Variants in NREP observed in about 807,000 individuals in gnomAD.
NREP encodes neuronal regeneration related protein.
Under a neutral mutation model 8.6 loss-of-function variants are expected in NREP, and 5 were observed. That is an observed-to-expected ratio of 0.58 (90% CI 0.30 to 1.22). The LOEUF is 1.22. Ranked by LOEUF, NREP falls within the 50% of genes most tolerant of loss-of-function variation. The probability of loss-of-function intolerance (pLI) is 0.07; values close to 1 mark genes in which losing one functional copy is unlikely to be tolerated. For missense variants in NREP, 86 were observed against 82.5 expected (o/e 1.04, Z -0.17); for synonymous variants, 27 against 28.0 (o/e 0.96, Z 0.11).
At chr5:111,930,510 G>A (rs1018753818) in intron 2 of NREP, among the ~76,000 whole-genome samples, 1 of 152,110 alleles carries the variant, frequency 6.6e-6, no homozygotes, top group African/African-American at 2.4e-5. Context: ...GTCAAGAGCT[G>A]CTAAAGGGCT....
intron 2 of NREP, among the ~76,000 whole-genome samples, chr5:111,832,479 G>A (rs959899900): frequency 3.9e-5 from 6 of 152,042 alleles, no homozygotes; most frequent in South Asian, 4.2e-4. Context: ...TGCAATGAGC[G>A]GACATAGCAT....
At chr5:111,959,416 C>CA (rs1484776940) in intron 2 of NREP, among the ~76,000 whole-genome samples, 1 of 151,918 alleles carries the variant, frequency 6.6e-6, no homozygotes, top group Non-Finnish European at 1.5e-5. Flanking sequence ...ATTCATCCAG[C>CA]TGTATACATA....
chr5:111,884,911 G>C (rs1375851769), intron 2 of NREP, among the ~76,000 whole-genome samples: 5 of 152,130 alleles, frequency 3.3e-5, no homozygotes, highest in Non-Finnish European at 5.9e-5. Flanking sequence ...TTGAAAACTG[G>C]CACACGACAG....
chr5:111,906,288 A>G (rs1222878715), intron 2 of NREP, among the ~76,000 whole-genome samples: 3 of 151,864 alleles, frequency 2.0e-5, no homozygotes, highest in Non-Finnish European at 4.4e-5. Flanking sequence ...ATGTGGTAAA[A>G]GATCAATATT....
chr5:111,762,930 G>A (rs777344986), intron 2 of NREP, among the ~76,000 whole-genome samples: 15 of 152,174 alleles, frequency 9.9e-5, no homozygotes, highest in East Asian at 1.9e-4. Flanking sequence ...GAAGTTATAC[G>A]TCCAGGGCTT....
chr5:111,900,912 A>T lies in NREP; in HGVS notation c.135+74362T>A, dbSNP rs1298781840. ...AATTTTTCTTAATTTATTTTATGAGATCAGCATTATCCTGACACCAAAACC... is the reference window on the plus strand; with the variant it reads ...AATTTTTCTTAATTTATTTTATGAGTTCAGCATTATCCTGACACCAAAACC... On this transcript the variant is annotated intron_variant, in intron 2 of 3. Transcript: ENST00000395634. Among the ~76,000 whole-genome samples, 3 of 152,150 alleles carry T rather than the reference A, an allele frequency of 2.0e-5. No individual in the cohort carries two copies. In the East Asian group the frequency reaches 5.8e-4, roughly 29 times the overall value.
At chr5:111,846,136 A>T (rs1294153323) in intron 2 of NREP, 1 of 155,844 alleles carries the variant, frequency 6.4e-6, no homozygotes, top group African/African-American at 2.4e-5. Flanking sequence ...CACTTAAAAA[A>T]TGGGAAGAGG....
At chr5:111,814,479 T>C (rs1752340839) in intron 2 of NREP, among the ~76,000 whole-genome samples, 2 of 152,088 alleles carry the variant, frequency 1.3e-5, no homozygotes, top group African/African-American at 4.8e-5. Context: ...ATTGCCTCCG[T>C]AACTTTCTTT....
At chr5:111,913,274 C>G (rs2112566115) in intron 2 of NREP, among the ~76,000 whole-genome samples, 1 of 152,200 alleles carries the variant, frequency 6.6e-6, no homozygotes, top group East Asian at 1.9e-4. Flanking sequence ...TGCTATTTTG[C>G]ACTACTTCAT....
chr5:111,976,624 G>T, intron 1 of NREP: 2 of 1,110,818 alleles, frequency 1.8e-6, no homozygotes, highest in Non-Finnish European at 2.6e-6. Flanking sequence ...AGAGGTCAGT[G>T]AGGCAGAGAC....
intron 2 of NREP, among the ~76,000 whole-genome samples, chr5:111,771,489 G>A (rs1008389569): frequency 6.6e-6 from 1 of 151,504 alleles, no homozygotes; most frequent in South Asian, 2.1e-4. Context: ...ACATTTATGT[G>A]CGGTGGCTCA....
chr5:111,923,973 G>A (rs1318093894), intron 2 of NREP, among the ~76,000 whole-genome samples: 1 of 152,164 alleles, frequency 6.6e-6, no homozygotes, highest in Non-Finnish European at 1.5e-5. Flanking sequence ...ATTGGTATAA[G>A]GGACAGGCCA....
intron 2 of NREP, among the ~76,000 whole-genome samples, chr5:111,924,802 G>A (rs760608799): frequency 6.6e-6 from 1 of 152,104 alleles, no homozygotes; most frequent in Non-Finnish European, 1.5e-5. Context: ...AGCAGTTATA[G>A]CCTGGCCAAT....
intron 2 of NREP, among the ~76,000 whole-genome samples, chr5:111,968,628 T>G (rs1430462068): frequency 2.0e-5 from 3 of 152,182 alleles, no homozygotes; most frequent in Non-Finnish European, 4.4e-5. Flanking sequence ...TCATTTCAGT[T>G]AGGAAAATGT....
At chr5:111,840,993 G>T (rs1753016931) in intron 2 of NREP, among the ~76,000 whole-genome samples, 1 of 152,078 alleles carries the variant, frequency 6.6e-6, no homozygotes, top group South Asian at 2.1e-4. Flanking sequence ...GTTTTGTGTA[G>T]ATCTGTGTGC....
intron 2 of NREP, among the ~76,000 whole-genome samples, chr5:111,771,157 A>G (rs1034011692): frequency 3.9e-5 from 6 of 152,198 alleles, no homozygotes; most frequent in African/African-American, 1.4e-4. Flanking sequence ...AATGCTTCAC[A>G]TAGTAGGTAA....
intron 2 of NREP, among the ~76,000 whole-genome samples, chr5:111,866,832 C>A (rs1323146068): frequency 6.6e-6 from 1 of 151,980 alleles, no homozygotes; most frequent in Non-Finnish European, 1.5e-5. Flanking sequence ...ATGATGAGTT[C>A]ATGTCCTTTG....
intron 2 of NREP, among the ~76,000 whole-genome samples, chr5:111,946,890 C>T (rs900483198): frequency 2.6e-5 from 4 of 151,872 alleles, no homozygotes; most frequent in African/African-American, 9.7e-5. Context: ...TGTAGTCAAC[C>T]AATTAGGAAA....
At chr5:111,916,466 T>C (rs919473150) in intron 2 of NREP, among the ~76,000 whole-genome samples, 1 of 152,066 alleles carries the variant, frequency 6.6e-6, no homozygotes, top group African/African-American at 2.4e-5. Flanking sequence ...CCTTCCCCAG[T>C]CCTAGATGGA....
Sources: gnomAD v4.1 joint callset for allele counts (sites outside exome capture counted in the v4.1 genomes callset) on GRCh38, gnomAD v4.1.1 for gene constraint, MANE v1.5 for transcripts, NCBI Gene and HGNC (gene_info 2026-07-23, HGNC 2026-07-21) for gene names.